ANAPC7: variants seen among roughly 807,000 people sequenced by gnomAD.
ANAPC7 encodes the protein anaphase-promoting complex subunit 7.
In ANAPC7, 25 loss-of-function variants were observed where a neutral mutation model predicts 63.3. That is an observed-to-expected ratio of 0.39 (90% CI 0.29 to 0.55). The LOEUF is 0.55. ANAPC7 is among the 20% of genes least tolerant of loss of function. The pLI, the probability that ANAPC7 is intolerant of heterozygous loss-of-function variation, is 0.57. For synonymous variants in ANAPC7, 241 were observed against 251.7 expected, an observed-to-expected ratio of 0.96 and a Z score of 0.40; for missense variants, 516 against 691.7, an observed-to-expected ratio of 0.75 and a Z score of 2.85.
intron 3 of ANAPC7, among the ~76,000 whole-genome samples, chr12:110,391,295 T>C (rs953683993): frequency 6.6e-6 from 1 of 152,230 alleles, no homozygotes; most frequent in Admixed American, 6.5e-5. Flanking sequence ...CATCATTTTC[T>C]AAAAACTGAG....
At chr12:110,399,403 T>C (rs1357729699) in intron 1 of ANAPC7, among the ~76,000 whole-genome samples, 1 of 149,486 alleles carries the variant, frequency 6.7e-6, no homozygotes, top group Non-Finnish European at 1.5e-5. Flanking sequence ...CTTTGGGAGG[T>C]TGAGGTGGGA....
At chr12:110,393,915 G>A (rs973793390) in intron 3 of ANAPC7, among the ~76,000 whole-genome samples, 2 of 148,730 alleles carry the variant, frequency 1.3e-5, no homozygotes, top group African/African-American at 5.0e-5. Flanking sequence ...GCTCACGCCT[G>A]TAATCCTAGC....
chr12:110,376,022 C>T (rs201208334), intron 10 of ANAPC7, 44 bp downstream of exon 10: 22 of 1,578,764 alleles, frequency 1.4e-5, no homozygotes, highest in Non-Finnish European at 1.9e-5. Flanking sequence ...ACTGCCTCCT[C>T]TACCCTCCTC....
At chr12:110,382,818 G>A in intron 7 of ANAPC7, 25 bp downstream of exon 7, 2 of 1,550,270 alleles carry the variant, frequency 1.3e-6, no homozygotes, top group Non-Finnish European at 1.8e-6. Flanking sequence ...GACAACTGGG[G>A]AGAAAAGAGA....
At chr12:110,387,279 G>GAC (rs1882589560) in intron 5 of ANAPC7, 2 of 129,510 alleles carry the variant, frequency 1.5e-5, no homozygotes, top group African/African-American at 3.0e-5. Context: ...GAGAGAGAGA[G>GAC]AGAGAGACAG....
chr12:110,387,839 C>T lies in ANAPC7; in HGVS notation c.574G>A (p.Val192Met). 1 of 1,614,166 alleles carries T rather than the reference C, an allele frequency of 6.2e-7. No homozygotes were observed. The change falls in exon 5 of 11, where the codon GTG (valine) becomes ATG (methionine). Residue 192 changes from valine (V) to methionine (M), a missense_variant. Physicochemically the swap from Val to Met is conservative, Grantham distance 21. Transcript: ENST00000455511. ...TCCAAGTTAGGCACGGTTTGGATCACATTCATTGTCATGGATGCCACCTCT... is the reference window on the plus strand; with the variant it reads ...TCCAAGTTAGGCACGGTTTGGATCATATTCATTGTCATGGATGCCACCTCT... ...GAEVASMTMN[V>M]IQTVPNLDWL...
chr12:110,382,378 G>A (rs1881935571), intron 7 of ANAPC7, among the ~76,000 whole-genome samples: 1 of 141,140 alleles, frequency 7.1e-6, no homozygotes, highest in Non-Finnish European at 1.5e-5. Context: ...TACAGACCTA[G>A]ATAGGTAAAT....
chr12:110,401,587 G>C (rs529699455), intron 1 of ANAPC7, among the ~76,000 whole-genome samples: 2 of 152,164 alleles, frequency 1.3e-5, no homozygotes, highest in East Asian at 3.9e-4. Flanking sequence ...AACACGCTTG[G>C]TGCATTCAAA....
intron 3 of ANAPC7, among the ~76,000 whole-genome samples, chr12:110,392,297 G>A (rs1318404978): frequency 6.6e-6 from 1 of 152,056 alleles, no homozygotes; most frequent in Non-Finnish European, 1.5e-5. Context: ...GTTTTTAATA[G>A]CAGCCACCAT....
intron 3 of ANAPC7, among the ~76,000 whole-genome samples, chr12:110,393,867 CAAAAAAAAAA>C (rs771757058): frequency 2.7e-5 from 1 of 37,322 alleles, no homozygotes; most frequent in Non-Finnish European, 5.6e-5. Context: ...AACTCCCTCT[CAAAAAAAAAA>C]AAAAAAAAAA....
chr12:110,375,353 G>A (rs563819432), intron 10 of ANAPC7: 1 of 889,928 alleles, frequency 1.1e-6, no homozygotes, highest in East Asian at 1.2e-4. Context: ...TGAGATGCTA[G>A]GCACACAAGT....
chr12:110,394,669 CAAAAAAAAA>C (rs779142936), intron 3 of ANAPC7, among the ~76,000 whole-genome samples: 11 of 42,776 alleles, frequency 2.6e-4, no homozygotes, highest in East Asian at 1.0e-3. Flanking sequence ...AATTCCACCT[CAAAAAAAAA>C]AAAAAAAAAA....
At chr12:110,391,246 T>G (rs1403837843) in intron 3 of ANAPC7, among the ~76,000 whole-genome samples, 1 of 152,092 alleles carries the variant, frequency 6.6e-6, no homozygotes, top group East Asian at 1.9e-4. Context: ...CTTAAAAACA[T>G]CATAAAGCCA....
At position 110,374,134 on chromosome 12, in the gene ANAPC7, T is replaced by C. The variant is rs755502745; in HGVS notation, c.*10A>G. 6.2e-7 allele frequency: 1 copy of C among 1,602,136 alleles called. No homozygotes were observed. Among genetic ancestry groups the C allele is most frequent in the South Asian group, 1.1e-5 (1 of 89,958 alleles). ...GGGCAGGCCACTGCGGCCATGGAGC[T>C]GCCGCCCCCTCACTGCATGCCGAAC... is the stretch of plus-strand genomic sequence containing the variant. On this transcript the variant is annotated 3_prime_UTR_variant, in exon 11 of 11. Transcript: ENST00000455511.
intron 3 of ANAPC7, 102 bp from the exon 4 acceptor site, chr12:110,388,725 T>A (rs1019534589): frequency 1.2e-6 from 1 of 844,702 alleles, no homozygotes; most frequent in African/African-American, 1.7e-5. Context: ...ATTTACTTTT[T>A]ACTGGAAAAT....
At chr12:110,375,974 A>AGT (rs1210785484) in intron 10 of ANAPC7, 92 bp downstream of exon 10, 3 of 1,433,460 alleles carry the variant, frequency 2.1e-6, no homozygotes, top group African/African-American at 1.4e-5. Context: ...ATGGACACAA[A>AGT]GTGTGTGTGT....
At chr12:110,381,978 A>G in intron 7 of ANAPC7, 30 bp from the exon 8 acceptor site, 1 of 1,497,416 alleles carries the variant, frequency 6.7e-7, no homozygotes, top group Non-Finnish European at 8.9e-7. Flanking sequence ...AAAAAACACA[A>G]AAACCCCAGA....
chr12:110,376,461 C>G (rs575525907), intron 9 of ANAPC7, among the ~76,000 whole-genome samples: 99 of 147,558 alleles, frequency 6.7e-4, no homozygotes, highest in African/African-American at 2.4e-3. Flanking sequence ...CCCAGCTACT[C>G]GGGAGGCTGA....
chr12:110,386,561 T>C (rs1882473157), intron 5 of ANAPC7, 92 bp from the exon 6 acceptor site: 1 of 1,162,778 alleles, frequency 8.6e-7, no homozygotes, highest in South Asian at 1.6e-5. Flanking sequence ...AGATACTATT[T>C]TCTTTTGCAT....
Sources: gnomAD v4.1 joint callset for allele counts (sites outside exome capture counted in the v4.1 genomes callset) on GRCh38, gnomAD v4.1.1 for gene constraint, MANE v1.5 for transcripts, NCBI Gene and HGNC (gene_info 2026-07-23, HGNC 2026-07-21) for gene names.